Variants in FASLG observed in about 807,000 individuals in gnomAD.
FASLG encodes Fas ligand.
In FASLG, 9 loss-of-function variants were observed where a neutral mutation model predicts 24.6. The ratio of observed to expected loss-of-function variants is 0.37; its 90% CI spans 0.22 to 0.64. The LOEUF (loss-of-function observed/expected upper bound fraction) is 0.64, where lower values mean the gene tolerates loss of function less well. Among genes scored for constraint, FASLG ranks in the 30% least tolerant of loss-of-function variants. The pLI is 0.64. For missense variants in FASLG, 306 were observed against 345.3 expected, an observed-to-expected ratio of 0.89 and a Z score of 0.90; for synonymous variants, 130 against 135.5, an observed-to-expected ratio of 0.96 and a Z score of 0.28.
At chr1:172,665,472 T>TCAAGTTCTGACCCC in intron 3 of FASLG, 150 bp from the exon 4 acceptor site, 2 of 814,426 alleles carry the variant, frequency 2.5e-6, no homozygotes, top group Non-Finnish European at 3.9e-6. Context: ...CTGTGATGGA[T>TCAAGTTCTGACCCC]CAAGTTCTGA....
chr1:172,664,507 GA>G, intron 3 of FASLG, 117 bp downstream of exon 3: 1 of 962,544 alleles, frequency 1.0e-6, no homozygotes, highest in South Asian at 1.3e-5. Flanking sequence ...GACAGTATTT[GA>G]ACCCAATAAT....
chr1:172,664,206 GTA>G (rs577574216), intron 2 of FASLG, 126 bp from the exon 3 acceptor site: 107 of 914,988 alleles, frequency 1.2e-4, no homozygotes, highest in African/African-American at 1.7e-5. Flanking sequence ...TACATGATTA[GTA>G]TATGTTAGAC....
chr1:172,664,235 T>G (rs1659203375), intron 2 of FASLG, 99 bp from the exon 3 acceptor site: 1 of 1,319,948 alleles, frequency 7.6e-7, no homozygotes, highest in African/African-American at 1.5e-5. Flanking sequence ...CATTTACGGT[T>G]TTAAAATCTT....
In FASLG at chr1:172,660,100, C is replaced by G; in HGVS notation, c.354C>G (p.Thr118=). The G allele has an allele frequency of 6.2e-7, 1 of 1,613,984 alleles. No individual in the cohort carries two copies. ...TTCTCTTTCTGTTTTACTAGTCTAC[C>G]AGCCAGATGCACACAGCATCATCTT... ...QKELAELRES[T]SQMHTASSLE... is the part of the protein sequence containing the mutation. The change falls in exon 2 of 4, where the codon ACC becomes ACG. Residue 118 remains threonine, a synonymous_variant. Coordinates refer to ENST00000367721, the MANE Select transcript of FASLG (RefSeq NM_000639.3).
Position 172,659,252 on chromosome 1 carries a change from C to T in FASLG, c.51C>T (p.Ser17=). 1 of 1,614,192 alleles carries T rather than the reference C, an allele frequency of 6.2e-7. No homozygotes were observed. Residue 17 remains serine (S), a synonymous_variant, in exon 1 of 4, where the codon AGC becomes AGT. Coordinates refer to ENST00000367721, the MANE Select transcript of FASLG (RefSeq NM_000639.3). ...ATCCCCAGATCTACTGGGTGGACAG[C>T]AGTGCCAGCTCTCCCTGGGCCCCTC... ...YPYPQIYWVD[S]SASSPWAPPG...
chr1:172,663,348 A>G (rs1659182628), intron 2 of FASLG, among the ~76,000 whole-genome samples: 1 of 152,194 alleles, frequency 6.6e-6, no homozygotes, highest in African/African-American at 2.4e-5. Context: ...CCCCAGAGAC[A>G]AGAGGAGTCA....
chr1:172,663,417 T>C (rs1460519726), intron 2 of FASLG, among the ~76,000 whole-genome samples: 1 of 152,120 alleles, frequency 6.6e-6, no homozygotes, highest in East Asian at 1.9e-4. Flanking sequence ...GGGCAGATCA[T>C]ATTTGATCAA....
intron 3 of FASLG, 33 bp from the exon 4 acceptor site, chr1:172,665,589 C>T (rs1659240418): frequency 3.1e-6 from 5 of 1,606,322 alleles, no homozygotes; most frequent in Non-Finnish European, 3.4e-6. Flanking sequence ...CATGACTATT[C>T]CTTGTTGAAA....
chr1:172,660,854 C>T (rs1401758522), intron 2 of FASLG, among the ~76,000 whole-genome samples: 2 of 152,196 alleles, frequency 1.3e-5, no homozygotes, highest in Non-Finnish European at 2.9e-5. Flanking sequence ...GTTGTGCAAG[C>T]TCTGTACAGA....
chr1:172,661,376 G>T (rs527440984), intron 2 of FASLG, among the ~76,000 whole-genome samples: 3 of 152,266 alleles, frequency 2.0e-5, no homozygotes, highest in Admixed American at 2.0e-4. Flanking sequence ...CTGTTGGGAT[G>T]CTCTGGCCCC....
intron 2 of FASLG, among the ~76,000 whole-genome samples, chr1:172,661,122 G>A (rs1659128254): frequency 1.3e-5 from 2 of 152,158 alleles, no homozygotes; most frequent in South Asian, 2.1e-4. Flanking sequence ...TACTGGACTG[G>A]TGCCTCATGA....
At chr1:172,664,734 T>C (rs576761210) in intron 3 of FASLG, among the ~76,000 whole-genome samples, 37 of 152,286 alleles carry the variant, frequency 2.4e-4, no homozygotes, top group African/African-American at 8.4e-4. Flanking sequence ...GAGGACTTAT[T>C]TTAGTCAGTG....
At chr1:172,662,670 C>T (rs1203910078) in intron 2 of FASLG, among the ~76,000 whole-genome samples, 3 of 152,220 alleles carry the variant, frequency 2.0e-5, no homozygotes, top group Non-Finnish European at 2.9e-5. Flanking sequence ...GCGCTGGGAA[C>T]GGCACATGCA....
intron 2 of FASLG, among the ~76,000 whole-genome samples, chr1:172,661,043 C>A (rs575962870): frequency 1.3e-5 from 2 of 152,278 alleles, no homozygotes; most frequent in South Asian, 4.1e-4. Context: ...TGCCCAAGAC[C>A]ACTGGTATGC....
At chr1:172,664,505 T>G in intron 3 of FASLG, 115 bp downstream of exon 3, 1 of 966,688 alleles carries the variant, frequency 1.0e-6, no homozygotes, top group Non-Finnish European at 1.7e-6. Flanking sequence ...GAGACAGTAT[T>G]TGAACCCAAT....
intron 2 of FASLG, among the ~76,000 whole-genome samples, chr1:172,663,303 G>A (rs1164741400): frequency 6.6e-6 from 1 of 152,088 alleles, no homozygotes; most frequent in East Asian, 1.9e-4. Context: ...GGAACTTGTC[G>A]TTATTTGAGG....
At position 172,659,182 on chromosome 1, in the gene FASLG, G is replaced by A; in HGVS notation, c.-20G>A. 1 of 1,614,124 alleles carries A rather than the reference G, an allele frequency of 6.2e-7. No homozygotes were observed. Among genetic ancestry groups the A allele is most frequent in the Non-Finnish European group, 8.5e-7 (1 of 1,180,020 alleles). On this transcript the variant is annotated 5_prime_UTR_variant, in exon 1 of 4. Coordinates refer to ENST00000367721, the MANE Select transcript of FASLG (RefSeq NM_000639.3). ...AGAAGTAAAACCGTTTGCTGGGGCT[G>A]GCCTGACTCACCAGCTGCCATGCAG...
Position 172,665,763 on chromosome 1 carries a change from G to A in FASLG, c.593G>A (p.Arg198Gln). The A allele has an allele frequency of 6.2e-7, 1 of 1,614,006 alleles. No individual in the cohort carries two copies. Among genetic ancestry groups the A allele is most frequent in the Non-Finnish European group, 8.5e-7 (1 of 1,180,000 alleles). Reference protein sequence around the residue: ...LYFVYSKVYFRGQSCNNLPLS... With the variant: ...LYFVYSKVYFQGQSCNNLPLS... The stretch of plus-strand genomic sequence containing the variant: ...TTTGTATATTCCAAAGTATACTTCC[G>A]GGGTCAATCTTGCAACAACCTGCCC... Residue 198 changes from arginine (R) to glutamine (Q), a missense_variant, in exon 4 of 4, where the codon CGG becomes CAG. By Grantham distance (43) the Arg-to-Gln change is conservative (BLOSUM62 1). Coordinates refer to ENST00000367721, the MANE Select transcript of FASLG (RefSeq NM_000639.3).
At position 172,666,123 on chromosome 1, in the gene FASLG, C is replaced by T; in HGVS notation, c.*107C>T. 1 of 1,403,240 alleles carries T rather than the reference C, an allele frequency of 7.1e-7. No individual in the cohort carries two copies. 86.9% of individuals were successfully genotyped at this position (1,403,240 alleles called of 1,614,324 possible). Reference sequence around the variant, plus strand: ...ATGCATTTGAGGTCAAGTAAGAAGACATGAACCAAGTGGACCTTGAGACCA... The same window carrying T: ...ATGCATTTGAGGTCAAGTAAGAAGATATGAACCAAGTGGACCTTGAGACCA... On this transcript the variant is annotated 3_prime_UTR_variant, in exon 4 of 4. Coordinates refer to ENST00000367721, the MANE Select transcript of FASLG (RefSeq NM_000639.3).
Sources: gnomAD v4.1 joint callset for allele counts (sites outside exome capture counted in the v4.1 genomes callset) on GRCh38, gnomAD v4.1.1 for gene constraint, MANE v1.5 for transcripts, NCBI Gene and HGNC (gene_info 2026-07-23, HGNC 2026-07-21) for gene names.